MYH6: variants seen among roughly 807,000 people sequenced by gnomAD.
MYH6 encodes myosin-6.
A neutral mutation model predicts 223.2 loss-of-function variants in MYH6; 126 were observed. The ratio of observed to expected loss-of-function variants is 0.56; its 90% CI spans 0.49 to 0.65. MYH6 has a LOEUF of 0.65. Among genes scored for constraint, MYH6 ranks in the 30% least tolerant of loss-of-function variants. The pLI, the probability that MYH6 is intolerant of heterozygous loss-of-function variation, is 0.00. For synonymous variants in MYH6, 978 were observed against 1,010.2 expected (o/e 0.97, Z 0.61); for missense variants, 2,040 against 2,536.4 (o/e 0.80, Z 4.20).
Position 23,386,344 on chromosome 14 carries a change from G to C in MYH6, c.4930C>G (p.Gln1644Glu). The C allele has an allele frequency of 6.2e-7, 1 of 1,614,128 alleles. No homozygotes were observed. Among genetic ancestry groups the C allele is most frequent in the Non-Finnish European group, 8.5e-7 (1 of 1,180,018 alleles). The change falls in exon 33 of 39, where the codon CAA becomes GAA. Residue 1644 changes from glutamine to glutamate, a missense_variant. Gln to Glu is a conservative substitution (Grantham distance 29). Transcript: ENST00000405093. Reference protein sequence around the residue: ...ANRMAAEAQKQVKSLQSLLKD... With the variant: ...ANRMAAEAQKEVKSLQSLLKD... ...AGCAAGCTCTGGAGGCTCTTGACTT[G>C]CTTCTGGGCCTCGGCAGCCATGCGG...
Position 23,392,598 on chromosome 14 carries a change from C to T in MYH6, c.3306G>A (p.Leu1102=), listed in dbSNP as rs777366665. The change falls in exon 25 of 39, where the codon CTG becomes CTA. Residue 1102 remains leucine (L), a synonymous_variant. Transcript: ENST00000405093. ...TCAGTTTCTTCTGTAGTTGAAGGGC[C>T]AGCACCTGCTCATCCTCAATCTTAC... ...QNSKIEDEQV[L]ALQLQKKLKE... 2 of 1,612,818 alleles carry T rather than the reference C, an allele frequency of 1.2e-6. No homozygotes were observed. The highest frequency in any genetic ancestry group is 1.1e-5 in the South Asian group (1 of 91,014).
At chr14:23,383,187 G>C (rs1486971610) in intron 37 of MYH6, 38 bp downstream of exon 37, 1 of 1,506,022 alleles carries the variant, frequency 6.6e-7, no homozygotes, top group Admixed American at 1.7e-5. Context: ...CAAATAGTAG[G>C]TGTGTTGATG....
Position 23,386,293 on chromosome 14 carries a change from G to A in MYH6, c.4959+22C>T, listed in dbSNP as rs202108716. ...GCCACATGGAGGCCAGTCCCCTGAG[G>A]GGACCTCCCGCCCCCATGTACCTTC... is the stretch of plus-strand genomic sequence containing the variant. On this transcript the variant is annotated intron_variant, in intron 33 of 38. Coordinates refer to ENST00000405093, the MANE Select transcript of MYH6 (RefSeq NM_002471.4). 79 of 1,614,056 alleles carry A rather than the reference G, an allele frequency of 4.9e-5. 1 individual carries two copies. The highest frequency in any genetic ancestry group is 1.1e-5 in the Non-Finnish European group (13 of 1,180,006).
intron 32 of MYH6, 151 bp from the exon 33 acceptor site, chr14:23,386,774 C>T (rs955049396): frequency 8.1e-6 from 8 of 987,494 alleles, no homozygotes; most frequent in Non-Finnish European, 4.4e-6. Context: ...CCATGCCCAC[C>T]ACGGTGCTAT....
At position 23,404,356 on chromosome 14, in the gene MYH6, G is replaced by A. The variant is rs886050413; in HGVS notation, c.675C>T (p.Asn225=). The change falls in exon 8 of 39, where the codon AAC becomes AAT. Residue 225 remains asparagine (N), a synonymous_variant. Transcript: ENST00000405093. ...CATTGCCGAAGGCCTCCAGAGCGGG[G>A]TTGGCCTGGATGATCTGGTCCTCCA... ...GTLEDQIIQA[N]PALEAFGNAK... 1 of 1,614,242 alleles carries A rather than the reference G, an allele frequency of 6.2e-7. No individual in the cohort carries two copies.
At position 23,394,215 on chromosome 14, in the gene MYH6, C is replaced by G. The variant is rs730880150; in HGVS notation, c.2538G>C (p.Glu846Asp). Residue 846 changes from glutamate to aspartate, a missense_variant, in exon 21 of 39, where the codon GAG (glutamate) becomes GAC (aspartate). Physicochemically the swap from Glu to Asp is conservative, Grantham distance 45 (BLOSUM62 2). Transcript: ENST00000405093. ...FKIKPLLKSAETEKEMATMKE... is the reference protein window; with the variant it reads ...FKIKPLLKSADTEKEMATMKE... ...TCATGGTGGCCATCTCCTTCTCCGT[C>G]TCTGCGCTCTTCAGCAGCGGCTTGA... 1.2e-6 allele frequency: 2 copies of G among 1,614,250 alleles called. No individual in the cohort carries two copies. Among genetic ancestry groups the G allele is most frequent in the Non-Finnish European group, 1.7e-6 (2 of 1,180,056 alleles).
At chr14:23,388,692 A>C (rs1566507154) in intron 29 of MYH6, 167 bp downstream of exon 29, 1 of 1,147,194 alleles carries the variant, frequency 8.7e-7, no homozygotes, top group Non-Finnish European at 1.3e-6. Flanking sequence ...GGCCAGCCAG[A>C]GTTCACAGAG....
chr14:23,387,097 CAT>C (rs1275248771), intron 32 of MYH6, among the ~76,000 whole-genome samples: 5 of 152,114 alleles, frequency 3.3e-5, no homozygotes, highest in African/African-American at 7.2e-5. Flanking sequence ...TTATAATAAT[CAT>C]GTGTAAAATC....
chr14:23,383,337 G>A lies in MYH6; in HGVS notation c.5566-17C>T. 2.1e-6 allele frequency: 1 copy of A among 487,468 alleles called. No individual in the cohort carries two copies. The highest frequency in any genetic ancestry group is 4.1e-6 in the Non-Finnish European group (1 of 241,482). The allele number at this position is 487,468 out of a possible 1,614,324, so 30.2% of individuals were successfully genotyped here. A position where few individuals can be genotyped will look rare whatever the true frequency, so the allele number is the denominator to read the frequency against. ...TTCCTCTGTCTGGGGGTGGGAGGGT[G>A]GGAGAAGCTGGTTTGGAGGGGGAGC... On this transcript the variant is annotated splice_polypyrimidine_tract_variant and intron_variant, in intron 36 of 38. Coordinates refer to ENST00000405093, the MANE Select transcript of MYH6 (RefSeq NM_002471.4).
rs1424944982 is a variant in MYH6, at chr14:23,382,445, G to A, written c.5779C>T (p.Arg1927Cys). The change falls in exon 38 of 39, where the codon CGT becomes TGT. Residue 1927 changes from arginine to cysteine, a missense_variant. Arg to Cys is a radical substitution (Grantham distance 180). Coordinates refer to ENST00000405093, the MANE Select transcript of MYH6 (RefSeq NM_002471.4). ...GGACCCACCTTGGCACCAATGTCAC[G>A]GCTCTTGGCTCGAAGCTTGTTGACC... Reference protein sequence around the residue: ...SQVNKLRAKSRDIGAKQKMHD... With the variant: ...SQVNKLRAKSCDIGAKQKMHD... 12 of 1,614,000 alleles carry A rather than the reference G, an allele frequency of 7.4e-6. No individual in the cohort carries two copies. Among genetic ancestry groups the A allele is most frequent in the African/African-American group, 5.3e-5 (4 of 74,906 alleles).
rs1218328785 is a variant in MYH6, at chr14:23,399,095, C to T, written c.1582-58G>A. 179 of 1,595,134 alleles carry T rather than the reference C, an allele frequency of 1.1e-4. 2 individuals carry two copies. In the South Asian group the frequency reaches 1.9e-3, roughly 17 times the overall value. Reference sequence around the variant, plus strand: ...CACTGAGCACACTCCCAGGCTTCCACAGTCCCATACCCTGACAGGAAAAGG... The same window carrying T: ...CACTGAGCACACTCCCAGGCTTCCATAGTCCCATACCCTGACAGGAAAAGG... On this transcript the variant is annotated intron_variant, in intron 14 of 38. Transcript: ENST00000405093.
rs1415514992 is a variant in MYH6, at chr14:23,385,997, C to T, written c.5094G>A (p.Glu1698=). The change falls in exon 34 of 39, where the codon GAG becomes GAA. Residue 1698 remains glutamate (E), a synonymous_variant. Coordinates refer to ENST00000405093, the MANE Select transcript of MYH6 (RefSeq NM_002471.4). The part of the protein sequence containing the change: ...EELRAVVEQT[E]RSRKLAEQEL... ...CCTGCTCCGCCAGCTTCCGGGACCG[C>T]TCTGTCTGCTCCACCACGGCACGCA... is the stretch of plus-strand genomic sequence containing the variant. 6.2e-7 allele frequency: 1 copy of T among 1,614,240 alleles called. No homozygotes were observed. The highest frequency in any genetic ancestry group is 8.5e-7 in the Non-Finnish European group (1 of 1,180,044).
At position 23,397,622 on chromosome 14, in the gene MYH6, C is replaced by T. The variant is rs747852537; in HGVS notation, c.1892-9G>A. ...GCTTTTACCACTGTCCCCTAAACAG[C>T]GAGAGGAGAAATAATCAACAGGAGC... is the stretch of plus-strand genomic sequence containing the variant. On this transcript the variant is annotated splice_polypyrimidine_tract_variant and intron_variant, in intron 15 of 38. Transcript: ENST00000405093. The T allele has an allele frequency of 1.3e-5, 21 of 1,613,768 alleles. No individual in the cohort carries two copies. The highest frequency in any genetic ancestry group is 5.5e-5 in the South Asian group (5 of 91,082).
In MYH6 at chr14:23,390,171, G is replaced by T. The variant is rs765103086; in HGVS notation, c.3618C>A (p.Gly1206=). The T allele has an allele frequency of 6.2e-7, 1 of 1,607,874 alleles. No homozygotes were observed. Among genetic ancestry groups the T allele is most frequent in the South Asian group, 1.1e-5 (1 of 90,886 alleles). ...KKHADSVAEL[G]EQIDNLQRVK... ...CCCGCTGCAGGTTGTCGATCTGCTC[G>T]CCCAGCTCGGCCACGCTGTCGGCGT... The change falls in exon 26 of 39, where the codon GGC becomes GGA. Residue 1206 remains glycine, a synonymous_variant. Transcript: ENST00000405093.
chr14:23,389,750 T>C (rs1292217921), intron 26 of MYH6, 31 bp from the exon 27 acceptor site: 2 of 1,613,274 alleles, frequency 1.2e-6, no homozygotes, highest in Non-Finnish European at 1.7e-6. Context: ...AGGGTGAGTG[T>C]GGGAGGGGCT....
rs377569988 is a variant in MYH6 at position 23,386,015 on chromosome 14, G to A, written c.5076C>T (p.Ala1692=). The A allele has an allele frequency of 7.4e-6, 12 of 1,614,046 alleles. No homozygotes were observed. The highest frequency in any genetic ancestry group is 2.2e-5 in the East Asian group (1 of 44,892). The change falls in exon 34 of 39, where the codon GCC becomes GCT. Residue 1692 remains alanine (A), a synonymous_variant. Coordinates refer to ENST00000405093, the MANE Select transcript of MYH6 (RefSeq NM_002471.4). ...LLQAELEELR[A]VVEQTERSRK... ...GGGACCGCTCTGTCTGCTCCACCAC[G>A]GCACGCAGCTCCTCCAGCTCAGCCT...
chr14:23,390,728 C>A (rs1050907858), intron 25 of MYH6, among the ~76,000 whole-genome samples: 6 of 152,028 alleles, frequency 3.9e-5, no homozygotes, highest in African/African-American at 1.4e-4. Context: ...CATCTCAGAC[C>A]CAGTGTGAGC....
chr14:23,398,799 A>C lies in MYH6; in HGVS notation c.1820T>G (p.Val607Gly), dbSNP rs1313292150. Residue 607 changes from valine (V) to glycine (G), a missense_variant, in exon 15 of 39, where the codon GTG becomes GGG. This residue lies in a region of MYH6 where 649 missense variants were observed against 877.3 expected (regional missense o/e 0.74). Transcript: ENST00000405093. Reference sequence around the variant, plus strand: ...GAGGGAGGACTTCTGGTACAGGGCCACAACAGTCTCGTTGAGAGGATCCTT... The same window carrying C: ...GAGGGAGGACTTCTGGTACAGGGCCCCAACAGTCTCGTTGAGAGGATCCTT... ...KNKDPLNETV[V>G]ALYQKSSLKL... The C allele has an allele frequency of 1.2e-6, 2 of 1,614,100 alleles. No individual in the cohort carries two copies. Among genetic ancestry groups the C allele is most frequent in the Non-Finnish European group, 1.7e-6 (2 of 1,180,046 alleles).
At chr14:23,384,364 G>C in intron 36 of MYH6, 78 bp downstream of exon 36, 1 of 1,591,806 alleles carries the variant, frequency 6.3e-7, no homozygotes. Context: ...GGAGGTGAGA[G>C]GAGCCCTGTG....
Sources: allele counts gnomAD v4.1 joint callset (sites outside exome capture counted in the v4.1 genomes callset), GRCh38; gene constraint gnomAD v4.1.1; regional missense constraint gnomAD v4.1.1; transcripts MANE v1.5; gene names NCBI Gene and HGNC (gene_info 2026-07-23, HGNC 2026-07-21).